The following ZNF814 variants were observed in gnomAD, a reference collection of about 807,000 sequenced individuals.
ZNF814 encodes zinc finger protein 814.
Under a neutral mutation model 7.5 loss-of-function variants are expected in ZNF814, and 5 were observed. The ratio of observed to expected loss-of-function variants is 0.67; its 90% CI spans 0.35 to 1.40. The LOEUF is 1.40. Among genes scored for constraint, ZNF814 ranks in the 40% most tolerant of loss-of-function variants. The pLI is 0.04. For synonymous variants in ZNF814, 315 were observed against 340.7 expected, an observed-to-expected ratio of 0.92 and a Z score of 0.83; for missense variants, 962 against 1,018.0, an observed-to-expected ratio of 0.94 and a Z score of 0.75.
chr19:57,878,356 G>T (rs963379643), intron 1 of ZNF814, among the ~76,000 whole-genome samples: 8 of 151,540 alleles, frequency 5.3e-5, no homozygotes, highest in African/African-American at 1.9e-4. Context: ...TGACTTATTT[G>T]AATAACTCTG....
Position 57,888,822 on chromosome 19 carries a change from CAG to C in ZNF814, c.-22_-21del. On this transcript the variant is annotated 5_prime_UTR_variant, in exon 1 of 3. Transcript: ENST00000435989. ...AGCCATCGAACCACGTGGTTTTAAGCAGAGTCGGGAGGATAGGGCGACCAGCC... is the reference window on the plus strand; with the variant it reads ...AGCCATCGAACCACGTGGTTTTAAGCAGTCGGGAGGATAGGGCGACCAGCC... 6.4e-7 allele frequency: 1 copy of C among 1,551,694 alleles called. No homozygotes were observed. Among genetic ancestry groups the C allele is most frequent in the South Asian group, 1.2e-5 (1 of 84,046 alleles).
chr19:57,888,350 T>C (rs1032684781), intron 1 of ZNF814, among the ~76,000 whole-genome samples: 88 of 152,192 alleles, frequency 5.8e-4, no homozygotes, highest in African/African-American at 1.9e-3. Flanking sequence ...CCTGACACTG[T>C]GCAAAGACAC....
intron 1 of ZNF814, among the ~76,000 whole-genome samples, chr19:57,880,094 TAA>T (rs1405864820): frequency 4.7e-5 from 5 of 107,448 alleles, no homozygotes; most frequent in African/African-American, 4.3e-5. Flanking sequence ...AGACTCCACC[TAA>T]AAAAAAAAAA....
At chr19:57,889,414 G>A (rs1477168038), upstream of ZNF814, among the ~76,000 whole-genome samples, 2 of 152,128 alleles carry the variant, frequency 1.3e-5, no homozygotes, top group Admixed American at 6.5e-5. Flanking sequence ...GTGTGGTCGG[G>A]CGGGCCTGTG....
the ZNF814 span, among the ~76,000 whole-genome samples, chr19:57,902,132 C>A: frequency 1.3e-5 from 2 of 152,122 alleles, no homozygotes; most frequent in Non-Finnish European, 2.9e-5. Flanking sequence ...TAAAATATAA[C>A]CATTCCAGCC....
chr19:57,873,294 T>G lies in ZNF814; in HGVS notation c.2096A>C (p.Lys699Thr). Reference sequence around the variant, plus strand: ...CTGGTGTACAAGGAGGTGAGACTTCTTCTTAAATAATTTTCCACATTCCCT... The same window carrying G: ...CTGGTGTACAAGGAGGTGAGACTTCGTCTTAAATAATTTTCCACATTCCCT... ...VCRECGKLFK[K>T]KSHLLVHQRI... The change falls in exon 3 of 3, where the codon AAG becomes ACG. Residue 699 changes from lysine to threonine, a missense_variant. This residue lies in a region of ZNF814 where 665 missense variants were observed against 551.4 expected (regional missense o/e 1.21). Coordinates refer to ENST00000435989, the MANE Select transcript of ZNF814 (RefSeq NM_001144989.2). 16 of 1,591,530 alleles carry G rather than the reference T, an allele frequency of 1.0e-5. No homozygotes were observed. Among genetic ancestry groups the G allele is most frequent in the Non-Finnish European group, 1.4e-5 (16 of 1,168,372 alleles).
chr19:57,875,265 C>G, intron 2 of ZNF814, 39 bp from the exon 3 acceptor site: 1 of 1,530,714 alleles, frequency 6.5e-7, no homozygotes, highest in South Asian at 1.3e-5. Context: ...CATGTTAACT[C>G]TGGTGGGAAG....
At position 57,876,948 on chromosome 19, in the gene ZNF814, G is replaced by A. The variant is rs376851812; in HGVS notation, c.131C>T (p.Thr44Met). ...EAQRCLYRDV[T>M]LENLALISSL... is the part of the protein sequence containing the mutation. ...GGATATAAGTGCCAGGTTCTCCAGCGTCACATCACGGTACAGGCATCTCTG... is the reference window on the plus strand; with the variant it reads ...GGATATAAGTGCCAGGTTCTCCAGCATCACATCACGGTACAGGCATCTCTG... The change falls in exon 2 of 3, where the codon ACG (threonine) becomes ATG (methionine). Residue 44 changes from threonine to methionine, a missense_variant. Transcript: ENST00000435989. 6.9e-5 allele frequency: 112 copies of A among 1,614,096 alleles called. No individual in the cohort carries two copies. In the East Asian group the frequency reaches 7.1e-4, roughly 10 times the overall value.
chr19:57,888,818 T>A lies in ZNF814; in HGVS notation c.-16A>T, dbSNP rs982812722. On this transcript the variant is annotated 5_prime_UTR_variant, in exon 1 of 3. Coordinates refer to ENST00000435989, the MANE Select transcript of ZNF814 (RefSeq NM_001144989.2). ...CGGCAGCCATCGAACCACGTGGTTT[T>A]AAGCAGAGTCGGGAGGATAGGGCGA... is the stretch of plus-strand genomic sequence containing the variant. 10 of 1,551,684 alleles carry A rather than the reference T, an allele frequency of 6.4e-6. No homozygotes were observed. The highest frequency in any genetic ancestry group is 1.7e-4 in the Middle Eastern group (1 of 5,992).
the ZNF814 span, among the ~76,000 whole-genome samples, chr19:57,898,600 G>A: frequency 6.6e-6 from 1 of 152,174 alleles, no homozygotes. Context: ...AATTGCAAAA[G>A]GGACACATAG....
chr19:57,877,236 G>A (rs570177674), intron 1 of ZNF814, among the ~76,000 whole-genome samples, 194 bp from the exon 2 acceptor site: 5 of 152,182 alleles, frequency 3.3e-5, no homozygotes, highest in African/African-American at 7.2e-5. Context: ...TGGTTGTGAC[G>A]TAAGAGTCCA....
upstream of ZNF814, among the ~76,000 whole-genome samples, chr19:57,891,524 CA>C (rs557386723): frequency 0.012 from 1,412 of 119,476 alleles, 13 homozygotes; most frequent in African/African-American, 0.037. Context: ...GACTCCGCCT[CA>C]AAAAAAAAAA....
chr19:57,889,729 T>A (rs1208246511), upstream of ZNF814, among the ~76,000 whole-genome samples: 8 of 151,540 alleles, frequency 5.3e-5, no homozygotes, highest in African/African-American at 1.9e-4. Context: ...ACCCACATGG[T>A]GACATGCGCC....
rs2071574298 is a variant in ZNF814 at position 57,873,430 on chromosome 19, G to A, written c.1960C>T (p.His654Tyr). 2.5e-6 allele frequency: 4 copies of A among 1,613,664 alleles called. No individual in the cohort carries two copies. The highest frequency in any genetic ancestry group is 4.5e-5 in the East Asian group (2 of 44,834). ...CACTTAAAAGGTCTTTCTGTAGTGT[G>A]AACTCGCTGATGATTCCTAAGGTGT... ...KGHLRNHQRVHTTERPFKCGE... is the reference protein window; with the variant it reads ...KGHLRNHQRVYTTERPFKCGE... The change falls in exon 3 of 3, where the codon CAC (histidine) becomes TAC (tyrosine). Residue 654 changes from histidine to tyrosine, a missense_variant. This residue lies in a region of ZNF814 where 665 missense variants were observed against 551.4 expected (regional missense o/e 1.21). Coordinates refer to ENST00000435989, the MANE Select transcript of ZNF814 (RefSeq NM_001144989.2).
Position 57,870,225 on chromosome 19 carries a change from C to G in ZNF814, c.*2597G>C, listed in dbSNP as rs1417700012. ...ACTGCACTCCATCCAGCCTGGGCAA[C>G]AGAGCAAGACTCCGTCTCAAAATAA... On this transcript the variant is annotated 3_prime_UTR_variant, in exon 3 of 3. Coordinates refer to ENST00000435989, the MANE Select transcript of ZNF814 (RefSeq NM_001144989.2). 1 of 152,104 alleles carries G rather than the reference C, an allele frequency of 6.6e-6. No homozygotes were observed. The highest frequency in any genetic ancestry group is 1.5e-5 in the Non-Finnish European group (1 of 68,024). 9.4% of individuals were successfully genotyped at this position (152,104 alleles called of 1,614,324 possible). A position where few individuals can be genotyped will look rare whatever the true frequency, so the allele number is the denominator to read the frequency against.
intron 1 of ZNF814, among the ~76,000 whole-genome samples, chr19:57,887,991 GC>G (rs2071707165): frequency 1.3e-5 from 2 of 152,114 alleles, no homozygotes; most frequent in Non-Finnish European, 2.9e-5. Context: ...TTGCATTTAA[GC>G]TCCCCTCCCC....
chr19:57,873,916 A>G lies in ZNF814; in HGVS notation c.1474T>C (p.Tyr492His), dbSNP rs1329974878. The change falls in exon 3 of 3, where the codon TAT (tyrosine) becomes CAT (histidine). Residue 492 changes from tyrosine to histidine, a missense_variant. This residue lies in a region of ZNF814 where 665 missense variants were observed against 551.4 expected (regional missense o/e 1.21). Transcript: ENST00000435989. ...HQRVHSGERP[Y>H]QCGECGKSFS... ...GATTTCCCACATTCTCCACACTGATAAGGTCTTTCTCCACTGTGAACTCGC... is the reference window on the plus strand; with the variant it reads ...GATTTCCCACATTCTCCACACTGATGAGGTCTTTCTCCACTGTGAACTCGC... 1.9e-6 allele frequency: 3 copies of G among 1,613,630 alleles called. No individual in the cohort carries two copies. Among genetic ancestry groups the G allele is most frequent in the Middle Eastern group, 3.3e-4 (2 of 6,062 alleles).
At chr19:57,901,862 G>T in the ZNF814 span, 1 of 397,194 alleles carries the variant, frequency 2.5e-6, no homozygotes, top group Non-Finnish European at 4.4e-6. Context: ...CTTTAATTAG[G>T]TCTGTGAGTT....
Position 57,874,069 on chromosome 19 carries a change from A to G in ZNF814, c.1321T>C (p.Cys441Arg). Residue 441 changes from cysteine to arginine, a missense_variant, in exon 3 of 3, where the codon TGT (cysteine) becomes CGT (arginine). By Grantham distance (180) the Cys-to-Arg change is radical (BLOSUM62 -3). Coordinates refer to ENST00000435989, the MANE Select transcript of ZNF814 (RefSeq NM_001144989.2). ...TGEKPYGCEE[C>R]GKSFSSEGHL... The stretch of plus-strand genomic sequence containing the variant: ...CCTTCTGAACTAAAAGATTTCCCAC[A>G]TTCTTCACACCCATAAGGTTTTTCT... 6.2e-7 allele frequency: 1 copy of G among 1,608,438 alleles called. No homozygotes were observed. The highest frequency in any genetic ancestry group is 1.1e-5 in the South Asian group (1 of 90,514).
Sources: allele counts gnomAD v4.1 joint callset (sites outside exome capture counted in the v4.1 genomes callset), GRCh38; gene constraint gnomAD v4.1.1; regional missense constraint gnomAD v4.1.1; transcripts MANE v1.5; gene names NCBI Gene and HGNC (gene_info 2026-07-23, HGNC 2026-07-21).